Variants in GMCL1 observed in about 807,000 individuals in gnomAD.
GMCL1 encodes germ cell-less protein-like 1.
A neutral mutation model predicts 75.5 loss-of-function variants in GMCL1; 54 were observed. The observed-to-expected ratio is 0.71, with a 90% confidence interval of 0.57 to 0.90. The LOEUF (loss-of-function observed/expected upper bound fraction) is 0.90, where lower values mean the gene tolerates loss of function less well. Ranked by LOEUF, GMCL1 falls within the 40% of genes least tolerant of loss-of-function variation. The pLI is 0.00. For synonymous variants in GMCL1, 210 were observed against 209.6 expected, an observed-to-expected ratio of 1.00 and a Z score of -0.02; for missense variants, 537 against 622.7, an observed-to-expected ratio of 0.86 and a Z score of 1.47.
intron 1 of GMCL1, among the ~76,000 whole-genome samples, chr2:69,836,439 A>G (rs1377477914): frequency 3.9e-5 from 6 of 152,174 alleles, no homozygotes; most frequent in Non-Finnish European, 1.5e-5. Context: ...TCGCATCATA[A>G]CGAGTGAAGT....
intron 1 of GMCL1, among the ~76,000 whole-genome samples, chr2:69,836,586 C>T (rs35664010): frequency 0.081 from 12,265 of 152,160 alleles, 1,703 homozygotes; most frequent in African/African-American, 0.28. Context: ...GTGTTAAATT[C>T]GCCAATTCAG....
rs35619289 is a variant in GMCL1 at position 69,837,577 on chromosome 2, T to C, written c.291T>C (p.Ile97=). ...RKKLKSTSKY[I]YQTLFLNGEN... is the part of the protein sequence containing the mutation. The stretch of plus-strand genomic sequence containing the variant: ...AATTAAAGAGTACATCTAAATATAT[T>C]TATCAAACATTATTTTTGAATGGTG... The change falls in exon 2 of 14, where the codon ATT becomes ATC. Residue 97 remains isoleucine, a synonymous_variant. Transcript: ENST00000282570. The C allele has an allele frequency of 1.3e-3, 2,138 of 1,593,202 alleles. 5 individuals are homozygous for C. Among genetic ancestry groups the C allele is most frequent in the Admixed American group, 1.7e-3 (97 of 57,336 alleles).
intron 6 of GMCL1, among the ~76,000 whole-genome samples, chr2:69,845,336 C>A (rs184730820): frequency 3.3e-4 from 50 of 152,318 alleles, no homozygotes; most frequent in Admixed American, 6.5e-4. Context: ...AATAATAGGA[C>A]CGCAGTCACC....
rs1676207567 is a variant in GMCL1, at chr2:69,879,056, A to G, written c.*52A>G. ...AAAACTGAAGATTTCATCAGTTGGA[A>G]ACAGTAGCACTTTGAAAACTTTTTA... On this transcript the variant is annotated 3_prime_UTR_variant, in exon 14 of 14. Coordinates refer to ENST00000282570, the MANE Select transcript of GMCL1 (RefSeq NM_178439.5). 1 of 1,200,158 alleles carries G rather than the reference A, an allele frequency of 8.3e-7. No individual in the cohort carries two copies. Among genetic ancestry groups the G allele is most frequent in the African/African-American group, 1.5e-5 (1 of 66,026 alleles). 74.3% of individuals were successfully genotyped at this position (1,200,158 alleles called of 1,614,324 possible).
intron 3 of GMCL1, 111 bp from the exon 4 acceptor site, chr2:69,840,831 C>T: frequency 1.7e-6 from 1 of 603,398 alleles, no homozygotes. Context: ...TATGTGCATG[C>T]CACATTTAGA....
At position 69,829,696 on chromosome 2, in the gene GMCL1, T is replaced by G. The variant is rs1389046992; in HGVS notation, c.-197T>G. 6 of 610,840 alleles carry G rather than the reference T, an allele frequency of 9.8e-6. No individual in the cohort carries two copies. Among genetic ancestry groups the G allele is most frequent in the Non-Finnish European group, 1.7e-5 (6 of 360,442 alleles). The allele number at this position is 610,840 out of a possible 1,614,324, so 37.8% of individuals were successfully genotyped here. A position where few individuals can be genotyped will look rare whatever the true frequency, so the allele number is the denominator to read the frequency against. On this transcript the variant is annotated 5_prime_UTR_variant, in exon 1 of 14. Transcript: ENST00000282570. ...AAAGCGAGGGGGCGAGGTGCTGCGG[T>G]GCTAGAGCGCGGCGCGACCGGACGC...
chr2:69,859,675 A>G (rs1346223768), intron 9 of GMCL1, among the ~76,000 whole-genome samples: 2 of 147,492 alleles, frequency 1.4e-5, no homozygotes, highest in Non-Finnish European at 1.5e-5. Flanking sequence ...TCAAGGCTGC[A>G]GTTTACCAAG....
chr2:69,846,479 T>A (rs1429046342), intron 6 of GMCL1, among the ~76,000 whole-genome samples: 1 of 152,218 alleles, frequency 6.6e-6, no homozygotes, highest in Non-Finnish European at 1.5e-5. Context: ...TGCCATTTTA[T>A]ATAAGGGACT....
chr2:69,878,295 C>T (rs990039442), intron 13 of GMCL1, among the ~76,000 whole-genome samples: 35 of 152,104 alleles, frequency 2.3e-4, no homozygotes, highest in African/African-American at 7.2e-4. Context: ...TAATGACTCC[C>T]GACCTTCATC....
At chr2:69,877,706 T>TTGTGTGTGTGTG (rs10549628) in intron 13 of GMCL1, among the ~76,000 whole-genome samples, 4 of 149,830 alleles carry the variant, frequency 2.7e-5, no homozygotes, top group Admixed American at 2.7e-4. Context: ...GATTGTGTGT[T>TTGTGTGTGTGTG]TGTGTGTGTG....
intron 9 of GMCL1, among the ~76,000 whole-genome samples, chr2:69,856,450 A>C (rs1675469295): frequency 6.6e-6 from 1 of 152,154 alleles, no homozygotes; most frequent in Non-Finnish European, 1.5e-5. Flanking sequence ...TGTCAAGCAC[A>C]GTTCAACTCC....
chr2:69,878,833 T>G (rs1318648470), intron 13 of GMCL1, 76 bp from the exon 14 acceptor site: 2 of 958,150 alleles, frequency 2.1e-6, no homozygotes, highest in Non-Finnish European at 3.4e-6. Context: ...TCTCCTTTGG[T>G]TCACTCAGTT....
chr2:69,856,640 CTTTTTTTTTTTT>C (rs34707640), intron 9 of GMCL1, among the ~76,000 whole-genome samples: 6 of 89,794 alleles, frequency 6.7e-5, no homozygotes, highest in African/African-American at 2.0e-4. Context: ...CTCTTCCCTC[CTTTTTTTTTTTT>C]TTTTTTTTTT....
intron 10 of GMCL1, among the ~76,000 whole-genome samples, chr2:69,862,484 G>A (rs1389600888): frequency 6.6e-6 from 1 of 152,078 alleles, no homozygotes; most frequent in African/African-American, 2.4e-5. Flanking sequence ...TTGAGGCTGG[G>A]TGTGGTGGCT....
intron 1 of GMCL1, 150 bp downstream of exon 1, chr2:69,830,302 G>GC: frequency 9.4e-7 from 1 of 1,067,702 alleles, no homozygotes; most frequent in Non-Finnish European, 1.3e-6. Flanking sequence ...AAGCCGGCCC[G>GC]ATGCGGGGCG....
At chr2:69,852,225 A>G (rs1325040766) in intron 8 of GMCL1, among the ~76,000 whole-genome samples, 6 of 152,220 alleles carry the variant, frequency 3.9e-5, no homozygotes, top group African/African-American at 9.6e-5. Context: ...CACCACAGCA[A>G]TCAATCAAAA....
At chr2:69,841,918 CA>C (rs1674999391) in intron 4 of GMCL1, among the ~76,000 whole-genome samples, 1 of 152,042 alleles carries the variant, frequency 6.6e-6, no homozygotes, top group African/African-American at 2.4e-5. Flanking sequence ...CCCACATAAA[CA>C]TAAGAAGGAT....
intron 2 of GMCL1, among the ~76,000 whole-genome samples, chr2:69,839,145 T>A (rs1674908382): frequency 6.6e-6 from 1 of 152,202 alleles, no homozygotes; most frequent in African/African-American, 2.4e-5. Flanking sequence ...ACAGTAAAGA[T>A]TCAACAGTTT....
intron 6 of GMCL1, among the ~76,000 whole-genome samples, chr2:69,847,193 G>A (rs994976175): frequency 6.6e-6 from 1 of 151,938 alleles, no homozygotes; most frequent in Non-Finnish European, 1.5e-5. Context: ...GAGGAAGACT[G>A]CCATTTTATC....
Sources: allele counts gnomAD v4.1 joint callset (sites outside exome capture counted in the v4.1 genomes callset), GRCh38; gene constraint gnomAD v4.1.1; transcripts MANE v1.5; gene names NCBI Gene and HGNC (gene_info 2026-07-23, HGNC 2026-07-21).